The following TMEM181 variants were observed in gnomAD, a reference collection of about 807,000 sequenced individuals.
TMEM181 encodes transmembrane protein 181, also known as G protein-coupled receptor 178.
A neutral mutation model predicts 71.9 loss-of-function variants in TMEM181; 39 were observed. The ratio of observed to expected loss-of-function variants is 0.54; its 90% CI spans 0.42 to 0.71. The LOEUF (loss-of-function observed/expected upper bound fraction) is 0.71. Ranked by LOEUF, TMEM181 falls within the 30% of genes least tolerant of loss-of-function variation. The pLI, the probability that TMEM181 is intolerant of heterozygous loss-of-function variation, is 0.00. For missense variants in TMEM181, 595 were observed against 583.0 expected (o/e 1.02, Z -0.21); for synonymous variants, 245 against 228.8 (o/e 1.07, Z -0.64).
intron 1 of TMEM181, among the ~76,000 whole-genome samples, chr6:158,563,680 G>T (rs116886025): frequency 6.6e-6 from 1 of 152,214 alleles, no homozygotes; most frequent in Admixed American, 6.5e-5. Flanking sequence ...ATGCTCCTGC[G>T]TGTGAGTCAC....
Position 158,585,444 on chromosome 6 carries a change from C to A in TMEM181, c.381+19C>A. 6.4e-7 allele frequency: 1 copy of A among 1,558,202 alleles called. No individual in the cohort carries two copies. The highest frequency in any genetic ancestry group is 1.2e-5 in the South Asian group (1 of 82,144). ...TGCAGGGGTGAGTGTGTGGGGTGAGCCCCACAGTCAGTCCTCAGGCTGTGT... is the reference window on the plus strand; with the variant it reads ...TGCAGGGGTGAGTGTGTGGGGTGAGACCCACAGTCAGTCCTCAGGCTGTGT... On this transcript the variant is annotated intron_variant, in intron 5 of 16. Transcript: ENST00000684151.
At position 158,629,784 on chromosome 6, in the gene TMEM181, C is replaced by G; in HGVS notation, c.1247C>G (p.Ala416Gly). 1 of 1,614,014 alleles carries G rather than the reference C, an allele frequency of 6.2e-7. No homozygotes were observed. The highest frequency in any genetic ancestry group is 1.1e-5 in the South Asian group (1 of 91,074). ...TTGAACTTCTATCTCTACACCTTGGCCTTTGTATATTCTCCATCGAAGAAT... is the reference window on the plus strand; with the variant it reads ...TTGAACTTCTATCTCTACACCTTGGGCTTTGTATATTCTCCATCGAAGAAT... ...GLLNFYLYTLAFVYSPSKNAL... is the reference protein window; with the variant it reads ...GLLNFYLYTLGFVYSPSKNAL... Residue 416 changes from alanine to glycine, a missense_variant, in exon 15 of 17, where the codon GCC becomes GGC. Physicochemically the swap from Ala to Gly is moderately conservative, Grantham distance 60 (BLOSUM62 0). Coordinates refer to ENST00000684151, the MANE Select transcript of TMEM181 (RefSeq NM_001376852.1).
At chr6:158,617,455 T>C (rs1785682113) in intron 10 of TMEM181, among the ~76,000 whole-genome samples, 1 of 137,760 alleles carries the variant, frequency 7.3e-6, no homozygotes, top group African/African-American at 2.6e-5. Flanking sequence ...TTTTGAAGGG[T>C]TTTTTTTGTG....
Position 158,635,074 on chromosome 6 carries a change from T to C in TMEM181, c.*3186T>C, listed in dbSNP as rs1177027357. 1.3e-5 allele frequency: 2 copies of C among 151,394 alleles called. No individual in the cohort carries two copies. The highest frequency in any genetic ancestry group is 2.9e-5 in the Non-Finnish European group (2 of 67,910). The allele number at this position is 151,394 out of a possible 1,614,324, so 9.4% of individuals were successfully genotyped here. On this transcript the variant is annotated 3_prime_UTR_variant, in exon 17 of 17. Coordinates refer to ENST00000684151, the MANE Select transcript of TMEM181 (RefSeq NM_001376852.1). ...ATCTTTTCCCCTGGCCAAAGGGAAG[T>C]TGTATTAGTCTGTGACATCTTGTGA...
At chr6:158,580,861 C>T (rs1783429859) in intron 2 of TMEM181, 79 bp from the exon 3 acceptor site, 1 of 1,367,908 alleles carries the variant, frequency 7.3e-7, no homozygotes, top group Non-Finnish European at 1.0e-6. Flanking sequence ...ATGTGTGAGT[C>T]TTTCTTGGAA....
chr6:158,614,079 C>T (rs759607262), intron 10 of TMEM181, among the ~76,000 whole-genome samples: 1 of 152,148 alleles, frequency 6.6e-6, no homozygotes, highest in Non-Finnish European at 1.5e-5. Flanking sequence ...TAATATTATT[C>T]CCTCAAATAA....
chr6:158,573,060 A>C (rs548540589), intron 1 of TMEM181, among the ~76,000 whole-genome samples: 42 of 152,174 alleles, frequency 2.8e-4, no homozygotes, highest in African/African-American at 9.6e-4. Context: ...ATGTGTGTGC[A>C]TGAGATGAGT....
intron 1 of TMEM181, among the ~76,000 whole-genome samples, chr6:158,564,991 G>A (rs535281021): frequency 3.5e-4 from 53 of 152,284 alleles, no homozygotes; most frequent in African/African-American, 1.2e-3. Context: ...GGTCTTACCC[G>A]CCTACCGTCG....
chr6:158,555,059 A>G (rs918536267), intron 1 of TMEM181, among the ~76,000 whole-genome samples: 1 of 152,206 alleles, frequency 6.6e-6, no homozygotes, highest in South Asian at 2.1e-4. Flanking sequence ...TGAATTATAT[A>G]AGGAAAACAA....
chr6:158,558,196 G>C (rs1453224173), upstream of TMEM181, among the ~76,000 whole-genome samples: 1 of 152,234 alleles, frequency 6.6e-6, no homozygotes, highest in East Asian at 1.9e-4. Flanking sequence ...TGCCTCAGGA[G>C]AGACCAGGCA....
At chr6:158,546,208 G>C (rs1263810455) in intron 1 of TMEM181, among the ~76,000 whole-genome samples, 1 of 152,156 alleles carries the variant, frequency 6.6e-6, no homozygotes, top group Non-Finnish European at 1.5e-5. Flanking sequence ...TTCTTCCAGT[G>C]GAGACTGTCC....
chr6:158,549,110 C>CTTT (rs33969411), intron 1 of TMEM181, among the ~76,000 whole-genome samples: 24 of 67,490 alleles, frequency 3.6e-4, no homozygotes, highest in South Asian at 1.1e-3. Flanking sequence ...GTGCACACTT[C>CTTT]TTTTTTTTTT....
At chr6:158,616,346 CT>C (rs1709342548) in intron 10 of TMEM181, among the ~76,000 whole-genome samples, 1 of 152,194 alleles carries the variant, frequency 6.6e-6, no homozygotes, top group South Asian at 2.1e-4. Flanking sequence ...TATCCTGAGA[CT>C]TTCCTAAAGT....
chr6:158,545,821 T>A (rs906529761), intron 1 of TMEM181, among the ~76,000 whole-genome samples: 4 of 152,110 alleles, frequency 2.6e-5, no homozygotes, highest in Non-Finnish European at 4.4e-5. Context: ...CTCAGCCTCC[T>A]GAATAACTGG....
At chr6:158,628,562 T>G (rs1159086490) in intron 14 of TMEM181, 72 bp downstream of exon 14, 4 of 1,412,038 alleles carry the variant, frequency 2.8e-6, no homozygotes, top group African/African-American at 1.4e-5. Flanking sequence ...GGCTCAGATT[T>G]GCCCCTCTCA....
At chr6:158,588,998 A>G (rs1783945240) in intron 5 of TMEM181, among the ~76,000 whole-genome samples, 2 of 152,134 alleles carry the variant, frequency 1.3e-5, no homozygotes, top group South Asian at 4.1e-4. Flanking sequence ...GTATCCCTGC[A>G]TGAGGGTTTG....
At chr6:158,621,536 G>A in intron 10 of TMEM181, 1 of 187,380 alleles carries the variant, frequency 5.3e-6, no homozygotes. Flanking sequence ...GGCCAGCTGA[G>A]GGGGCCACAT....
At chr6:158,564,819 A>T (rs1326377602) in intron 1 of TMEM181, among the ~76,000 whole-genome samples, 1 of 152,140 alleles carries the variant, frequency 6.6e-6, no homozygotes, top group Non-Finnish European at 1.5e-5. Flanking sequence ...AGGAGAAGAG[A>T]TTATTTTTAT....
intron 1 of TMEM181, 87 bp downstream of exon 1, chr6:158,560,319 C>T (rs946364787): frequency 5.5e-5 from 54 of 985,020 alleles, no homozygotes; most frequent in Non-Finnish European, 6.4e-5. Context: ...GGCGCCGTGC[C>T]GCAGGGTCCC....
Sources: gnomAD v4.1 joint callset for allele counts (sites outside exome capture counted in the v4.1 genomes callset) on GRCh38, gnomAD v4.1.1 for gene constraint, MANE v1.5 for transcripts, NCBI Gene and HGNC (gene_info 2026-07-23, HGNC 2026-07-21) for gene names.